Variants in ADIPOR2 observed in about 807,000 individuals in gnomAD.
ADIPOR2 encodes the protein adiponectin receptor 2.
A neutral mutation model predicts 40.9 loss-of-function variants in ADIPOR2; 18 were observed. That is an observed-to-expected ratio of 0.44 (90% CI 0.30 to 0.65). The LOEUF is 0.65. Ranked by LOEUF, ADIPOR2 falls within the 30% of genes least tolerant of loss-of-function variation. ADIPOR2 has a pLI of 0.09. For missense variants in ADIPOR2, 283 were observed against 479.2 expected (o/e 0.59, Z 3.82); for synonymous variants, 165 against 166.4 (o/e 0.99, Z 0.06).
chr12:1,738,428 C>T (rs1191021833), intron 1 of ADIPOR2, among the ~76,000 whole-genome samples: 1 of 152,096 alleles, frequency 6.6e-6, no homozygotes, highest in African/African-American at 2.4e-5. Context: ...AAATTTAACT[C>T]TGTATTGAGC....
Position 1,736,524 on chromosome 12 carries a change from A to C in ADIPOR2, c.-86-17734A>C, listed in dbSNP as rs564423481. On this transcript the variant is annotated intron_variant, in intron 1 of 7. Transcript: ENST00000357103. ...TCTTTTCTTCTTTATTAGTCTTGCT[A>C]GTGGTCTATCAATTTTGTTGATCTT... Among the ~76,000 whole-genome samples, 447 of 152,214 alleles carry C rather than the reference A, an allele frequency of 2.9e-3. 2 individuals carry two copies. Among genetic ancestry groups the C allele is most frequent in the African/African-American group, 9.5e-3 (393 of 41,516 alleles).
chr12:1,700,794 A>AT (rs1415305298), intron 1 of ADIPOR2, among the ~76,000 whole-genome samples: 16 of 27,554 alleles, frequency 5.8e-4, no homozygotes, highest in South Asian at 7.0e-3. Flanking sequence ...GTGGCCCTAG[A>AT]TTTAAAAAAA....
rs66842156 is a variant in ADIPOR2, at chr12:1,728,958, G to GTTTTTTTTTTTTTTTTTTTTTTTTTTT, written c.-86-25277_-86-25276insTTTTTTTTTTTTTTTTTTTTTTTTTTT. Among the ~76,000 whole-genome samples the GTTTTTTTTTTTTTTTTTTTTTTTTTTT allele has an allele frequency of 2.7e-5, 3 of 110,054 alleles. 1 individual carries two copies. The highest frequency in any genetic ancestry group is 1.8e-5 in the Non-Finnish European group (1 of 55,998). The allele number at this position is 110,054 out of a possible 152,430, so 72.2% of individuals were successfully genotyped here. On this transcript the variant is annotated intron_variant, in intron 1 of 7. Coordinates refer to ENST00000357103, the MANE Select transcript of ADIPOR2 (RefSeq NM_024551.3). ...CAAATACTTTTCCTAGTTCTGGACT[G>GTTTTTTTTTTTTTTTTTTTTTTTTTTT]TTTTTTTTTTTTTTTTTTTTTTTAA...
At chr12:1,700,975 T>C (rs1338949460) in intron 1 of ADIPOR2, among the ~76,000 whole-genome samples, 1 of 152,100 alleles carries the variant, frequency 6.6e-6, no homozygotes, top group Non-Finnish European at 1.5e-5. Context: ...TTAACATTCA[T>C]ATATTAACCA....
chr12:1,756,148 TATTATA>T (rs1342750161), intron 2 of ADIPOR2, among the ~76,000 whole-genome samples: 1 of 151,832 alleles, frequency 6.6e-6, no homozygotes, highest in South Asian at 2.1e-4. Flanking sequence ...TTTATTTTAT[TATTATA>T]ATTATATTTT....
At chr12:1,765,940 A>G (rs1482423189) in intron 2 of ADIPOR2, among the ~76,000 whole-genome samples, 7 of 149,988 alleles carry the variant, frequency 4.7e-5, no homozygotes, top group Non-Finnish European at 1.0e-4. Flanking sequence ...TAGACTGTCA[A>G]GAGTGGAAGG....
chr12:1,742,351 C>T (rs1232222800), intron 1 of ADIPOR2, among the ~76,000 whole-genome samples: 1 of 152,192 alleles, frequency 6.6e-6, no homozygotes, highest in Non-Finnish European at 1.5e-5. Context: ...CCTGGGCCTC[C>T]CAAAGTGCTG....
At chr12:1,766,445 TG>T (rs570390139) in intron 2 of ADIPOR2, among the ~76,000 whole-genome samples, 166 of 152,358 alleles carry the variant, frequency 1.1e-3, no homozygotes, top group Non-Finnish European at 2.0e-3. Flanking sequence ...TTTAGCCTCC[TG>T]GTCCAGTATT....
chr12:1,697,406 G>C (rs2094641440), intron 1 of ADIPOR2: 1 of 152,870 alleles, frequency 6.5e-6, no homozygotes, highest in Non-Finnish European at 1.5e-5. Flanking sequence ...TCTTATCCTA[G>C]GAAGAATGTC....
chr12:1,704,545 GTTGA>G (rs879388179), intron 1 of ADIPOR2, among the ~76,000 whole-genome samples: 6 of 152,186 alleles, frequency 3.9e-5, no homozygotes, highest in Non-Finnish European at 7.3e-5. Context: ...GAAGCACATG[GTTGA>G]TTGATTGATA....
intron 1 of ADIPOR2, among the ~76,000 whole-genome samples, chr12:1,695,348 G>A (rs2094636242): frequency 6.7e-6 from 1 of 149,034 alleles, no homozygotes; most frequent in South Asian, 2.1e-4. Flanking sequence ...GCATGACTCT[G>A]TCTCTTAAAA....
intron 2 of ADIPOR2, among the ~76,000 whole-genome samples, chr12:1,765,193 A>T (rs537781909): frequency 6.6e-6 from 1 of 152,326 alleles, no homozygotes; most frequent in African/African-American, 2.4e-5. Context: ...CTATGAATTC[A>T]GTTCATCTTA....
At chr12:1,713,855 G>T (rs1036815389) in intron 1 of ADIPOR2, among the ~76,000 whole-genome samples, 1 of 152,060 alleles carries the variant, frequency 6.6e-6, no homozygotes, top group Non-Finnish European at 1.5e-5. Context: ...GGATGGTAAC[G>T]GACCTTGAGG....
chr12:1,772,989 A>T, intron 3 of ADIPOR2, 28 bp downstream of exon 3: 1 of 1,610,050 alleles, frequency 6.2e-7, no homozygotes, highest in Non-Finnish European at 8.5e-7. Context: ...TGTCATTGTC[A>T]TGCTATATAT....
At chr12:1,733,842 G>A (rs2094725246) in intron 1 of ADIPOR2, among the ~76,000 whole-genome samples, 1 of 144,670 alleles carries the variant, frequency 6.9e-6, no homozygotes, top group Non-Finnish European at 1.5e-5. Flanking sequence ...CCACCTATGA[G>A]TGAGAACATG....
chr12:1,765,032 AC>A (rs1862349429), intron 2 of ADIPOR2, among the ~76,000 whole-genome samples: 1 of 152,172 alleles, frequency 6.6e-6, no homozygotes, highest in African/African-American at 2.4e-5. Flanking sequence ...AAATGTATGC[AC>A]TTCCATTAGC....
At chr12:1,736,358 C>G (rs947847899) in intron 1 of ADIPOR2, among the ~76,000 whole-genome samples, 2 of 152,200 alleles carry the variant, frequency 1.3e-5, no homozygotes, top group Non-Finnish European at 2.9e-5. Context: ...TCCATTTCTC[C>G]TAGATTTTCT....
At chr12:1,752,913 A>G (rs1228975629) in intron 1 of ADIPOR2, among the ~76,000 whole-genome samples, 1 of 152,222 alleles carries the variant, frequency 6.6e-6, no homozygotes, top group Non-Finnish European at 1.5e-5. Flanking sequence ...TAATCTCAAT[A>G]GTATCATGTG....
chr12:1,768,403 C>G (rs1003457251), intron 2 of ADIPOR2, among the ~76,000 whole-genome samples: 7 of 152,152 alleles, frequency 4.6e-5, no homozygotes, highest in Non-Finnish European at 1.0e-4. Context: ...TTCATGCAGG[C>G]TTTCCTGAGC....
Sources: allele counts gnomAD v4.1 joint callset (sites outside exome capture counted in the v4.1 genomes callset), GRCh38; gene constraint gnomAD v4.1.1; transcripts MANE v1.5; gene names NCBI Gene and HGNC (gene_info 2026-07-23, HGNC 2026-07-21).